NTM: variants seen among roughly 807,000 people sequenced by gnomAD.
NTM encodes IgLON family member 2.
A neutral mutation model predicts 42.1 loss-of-function variants in NTM; 13 were observed. The ratio of observed to expected loss-of-function variants is 0.31; its 90% CI spans 0.20 to 0.49. The LOEUF is 0.49. NTM is among the 20% of genes least tolerant of loss of function. The pLI is 0.99. For missense variants in NTM, 373 were observed against 452.8 expected (o/e 0.82, Z 1.60); for synonymous variants, 187 against 179.2 (o/e 1.04, Z -0.35).
At chr11:132,063,302 AGC>A (rs2080966373) in intron 2 of NTM, among the ~76,000 whole-genome samples, 1 of 152,204 alleles carries the variant, frequency 6.6e-6, no homozygotes, top group Non-Finnish European at 1.5e-5. Context: ...ACAAACATTT[AGC>A]CTATGGCAGT....
chr11:132,133,855 C>A (rs1480125953), intron 2 of NTM, among the ~76,000 whole-genome samples: 1 of 152,144 alleles, frequency 6.6e-6, no homozygotes, highest in Non-Finnish European at 1.5e-5. Context: ...CTCTGCTTAT[C>A]TGCTTTGCTG....
At chr11:131,914,047 G>A (rs2138050262) in intron 2 of NTM, among the ~76,000 whole-genome samples, 1 of 152,308 alleles carries the variant, frequency 6.6e-6, no homozygotes, top group South Asian at 2.1e-4. Flanking sequence ...TGCCCTGCTG[G>A]GATGGACTTT....
At chr11:131,578,689 T>A (rs1179083265) in intron 1 of NTM, among the ~76,000 whole-genome samples, 2 of 152,216 alleles carry the variant, frequency 1.3e-5, no homozygotes, top group Non-Finnish European at 2.9e-5. Context: ...GTTACTTAAC[T>A]TCTCTGTGTC....
At position 132,014,487 on chromosome 11, in the gene NTM, G is replaced by A. The variant is rs146339045; in HGVS notation, c.167+102839G>A. Among the ~76,000 whole-genome samples the A allele has an allele frequency of 6.4e-4, 97 of 151,992 alleles. 1 individual carries two copies. In the Middle Eastern group the frequency reaches 0.01, roughly 16 times the overall value. ...TCTTTGTATTGTTTCCATAGTGGTCGTACTAATTTACATTCCCACCAGCAG... is the reference window on the plus strand; with the variant it reads ...TCTTTGTATTGTTTCCATAGTGGTCATACTAATTTACATTCCCACCAGCAG... On this transcript the variant is annotated intron_variant, in intron 2 of 8. Coordinates refer to ENST00000683400, the MANE Select transcript of NTM (RefSeq NM_001352005.2).
At chr11:131,650,511 C>T (rs999398249) in intron 1 of NTM, among the ~76,000 whole-genome samples, 21 of 152,274 alleles carry the variant, frequency 1.4e-4, no homozygotes, top group African/African-American at 4.8e-4. Context: ...CCTGGTTTCT[C>T]AGTAAAGACT....
chr11:131,920,086 C>T (rs552907194), intron 2 of NTM, among the ~76,000 whole-genome samples: 6 of 152,222 alleles, frequency 3.9e-5, no homozygotes, highest in Middle Eastern at 3.4e-3. Context: ...AGATGCATTT[C>T]CCATCAGAAA....
intron 1 of NTM, among the ~76,000 whole-genome samples, chr11:131,807,401 A>T (rs1027946859): frequency 4.6e-5 from 7 of 152,232 alleles, no homozygotes; most frequent in African/African-American, 7.2e-5. Flanking sequence ...GCTTTCTCCA[A>T]ATAGGAAAGT....
chr11:132,239,085 A>C (rs2089676974), intron 4 of NTM, among the ~76,000 whole-genome samples: 1 of 152,248 alleles, frequency 6.6e-6, no homozygotes, highest in African/African-American at 2.4e-5. Context: ...CTCAGAAAGA[A>C]TATCCCAGAT....
At position 131,812,678 on chromosome 11, in the gene NTM, A is replaced by T. The variant is rs141300866; in HGVS notation, c.83-98886A>T. On this transcript the variant is annotated intron_variant, in intron 1 of 8. Coordinates refer to ENST00000683400, the MANE Select transcript of NTM (RefSeq NM_001352005.2). ...AGTGCATGGGACAAAGGTGGAGGGG[A>T]GCTGTCTGATAAACAGGGGTGACAT... Among the ~76,000 whole-genome samples, 841 of 152,150 alleles carry T rather than the reference A, an allele frequency of 5.5e-3. 10 individuals are homozygous for T. The highest frequency in any genetic ancestry group is 0.019 in the African/African-American group (788 of 41,492).
chr11:132,068,598 C>A (rs552605512), intron 2 of NTM, among the ~76,000 whole-genome samples: 2 of 152,318 alleles, frequency 1.3e-5, no homozygotes, highest in East Asian at 3.9e-4. Flanking sequence ...AAGCCAGCTG[C>A]ACATTTTTAA....
rs5795750 is a variant in NTM, at chr11:131,976,158, T to TCC, written c.167+64510_167+64511insCC. ...TTCCTTCCTTCCTTCCTTCCTTCCT[T>TCC]TCTTCCTTCCTTCCTTTCTTCCTTT... is the stretch of plus-strand genomic sequence containing the variant. On this transcript the variant is annotated intron_variant, in intron 2 of 8. Transcript: ENST00000683400. 6.6e-4 allele frequency among the ~76,000 whole-genome samples: 90 copies of TCC among 135,574 alleles called. 1 individual carries two copies. The highest frequency in any genetic ancestry group is 1.8e-3 in the East Asian group (7 of 3,932). 88.9% of individuals were successfully genotyped at this position (135,574 alleles called of 152,430 possible). A position where few individuals can be genotyped will look rare whatever the true frequency, so the allele number is the denominator to read the frequency against.
intron 2 of NTM, among the ~76,000 whole-genome samples, chr11:132,112,051 A>G (rs2063282252): frequency 6.6e-6 from 1 of 152,048 alleles, no homozygotes; most frequent in Non-Finnish European, 1.5e-5. Flanking sequence ...CCTCCCTCTC[A>G]TTTTTCCTTT....
chr11:132,129,582 A>AG (rs2066461264), intron 2 of NTM, among the ~76,000 whole-genome samples: 1 of 152,228 alleles, frequency 6.6e-6, no homozygotes, highest in Admixed American at 6.5e-5. Flanking sequence ...CCTACCTAGA[A>AG]GTAAGGTTAG....
intron 2 of NTM, among the ~76,000 whole-genome samples, chr11:132,073,998 C>G (rs1456719536): frequency 2.0e-5 from 3 of 152,206 alleles, no homozygotes; most frequent in African/African-American, 7.2e-5. Context: ...TGCTAACAGG[C>G]TGCTCTCACA....
chr11:132,172,542 A>G (rs571123001), intron 3 of NTM, among the ~76,000 whole-genome samples: 76 of 152,312 alleles, frequency 5.0e-4, no homozygotes, highest in African/African-American at 1.7e-3. Flanking sequence ...AAAGAAGGAG[A>G]CTATTACAAT....
At chr11:132,048,026 A>G (rs2078260949) in intron 2 of NTM, among the ~76,000 whole-genome samples, 1 of 151,494 alleles carries the variant, frequency 6.6e-6, no homozygotes, top group Non-Finnish European at 1.5e-5. Context: ...ATAGCTGAGT[A>G]TGTCTGCGTG....
chr11:131,876,336 TAAAC>T (rs1304305837), intron 1 of NTM, among the ~76,000 whole-genome samples: 2 of 152,180 alleles, frequency 1.3e-5, no homozygotes, highest in South Asian at 2.1e-4. Context: ...ATGCCAGTGA[TAAAC>T]AAGCTGCCGG....
intron 7 of NTM, among the ~76,000 whole-genome samples, chr11:132,327,357 A>G (rs2095705434): frequency 6.6e-6 from 1 of 152,232 alleles, no homozygotes; most frequent in Admixed American, 6.5e-5. Flanking sequence ...CATCAAAGCA[A>G]TTTATTAAAG....
At chr11:132,186,549 C>G (rs139054074) in intron 3 of NTM, among the ~76,000 whole-genome samples, 21 of 152,310 alleles carry the variant, frequency 1.4e-4, no homozygotes, top group African/African-American at 5.1e-4. Flanking sequence ...GTGGCCACTG[C>G]TTTAGACAGC....
Sources: allele counts gnomAD v4.1 joint callset (sites outside exome capture counted in the v4.1 genomes callset), GRCh38; gene constraint gnomAD v4.1.1; transcripts MANE v1.5; gene names NCBI Gene and HGNC (gene_info 2026-07-23, HGNC 2026-07-21).